CRBN: variants seen among roughly 807,000 people sequenced by gnomAD.
The protein encoded by CRBN is protein cereblon.
A neutral mutation model predicts 62.2 loss-of-function variants in CRBN; 53 were observed. That is an observed-to-expected ratio of 0.85 (90% CI 0.68 to 1.07). CRBN has a LOEUF of 1.07. Ranked by LOEUF, CRBN falls within the 50% of genes least tolerant of loss-of-function variation. The probability of loss-of-function intolerance (pLI) is 0.00; values close to 1 mark genes in which losing one functional copy is unlikely to be tolerated. For missense variants in CRBN, 616 were observed against 531.1 expected (o/e 1.16, Z -1.57); for synonymous variants, 208 against 176.1 (o/e 1.18, Z -1.43).
At chr3:3,168,591 T>C (rs1707452956) in intron 4 of CRBN, among the ~76,000 whole-genome samples, 1 of 152,186 alleles carries the variant, frequency 6.6e-6, no homozygotes, top group Non-Finnish European at 1.5e-5. Context: ...TATATAACAC[T>C]GTCAGACTGA....
intron 1 of CRBN, among the ~76,000 whole-genome samples, chr3:3,177,446 C>A (rs1707871316): frequency 6.6e-6 from 1 of 152,100 alleles, no homozygotes; most frequent in African/African-American, 2.4e-5. Context: ...TGTAAATAGC[C>A]AATGGTCTAA....
intron 5 of CRBN, among the ~76,000 whole-genome samples, chr3:3,160,308 TAA>T (rs1707083928): frequency 6.6e-6 from 1 of 152,248 alleles, no homozygotes; most frequent in Non-Finnish European, 1.5e-5. Context: ...ATATAGTGAC[TAA>T]AAGTGGTCAC....
chr3:3,176,050 T>C (rs908344225), intron 1 of CRBN, among the ~76,000 whole-genome samples: 1 of 152,186 alleles, frequency 6.6e-6, no homozygotes, highest in Non-Finnish European at 1.5e-5. Context: ...CCTTTTCACA[T>C]TGTACCCTTC....
intron 2 of CRBN, among the ~76,000 whole-genome samples, chr3:3,174,623 C>T (rs935240898): frequency 5.3e-5 from 8 of 151,672 alleles, no homozygotes; most frequent in African/African-American, 7.3e-5. Flanking sequence ...CGAGCTTGGG[C>T]GACAGAGCAA....
intron 5 of CRBN, among the ~76,000 whole-genome samples, chr3:3,164,093 C>G (rs1274038287): frequency 6.6e-6 from 1 of 152,124 alleles, no homozygotes; most frequent in Admixed American, 6.6e-5. Flanking sequence ...ACTGACGAGC[C>G]CCTCCATCTC....
chr3:3,174,141 G>C lies in CRBN; in HGVS notation c.295C>G (p.Leu99Val). 2.5e-6 allele frequency: 4 copies of C among 1,614,160 alleles called. No homozygotes were observed. Among genetic ancestry groups the C allele is most frequent in the Non-Finnish European group, 3.4e-6 (4 of 1,180,002 alleles). The change falls in exon 3 of 11, where the codon CTT (leucine) becomes GTT (valine). Residue 99 changes from leucine (L) to valine (V), a missense_variant. Transcript: ENST00000231948. Reference protein sequence around the residue: ...MILIPGQTLPLQLFHPQEVSM... With the variant: ...MILIPGQTLPVQLFHPQEVSM... ...ACTTCTTGAGGGTGAAAAAGCTGAAGAGGTAATGTCTGTCCGGGAATCAGG... is the reference window on the plus strand; with the variant it reads ...ACTTCTTGAGGGTGAAAAAGCTGAACAGGTAATGTCTGTCCGGGAATCAGG...
At chr3:3,171,100 C>T (rs753027568) in intron 4 of CRBN, among the ~76,000 whole-genome samples, 36 of 152,168 alleles carry the variant, frequency 2.4e-4, no homozygotes, top group East Asian at 3.9e-4. Flanking sequence ...CCACTGTGCG[C>T]GGCCTGATGT....
In CRBN at chr3:3,151,051, A is replaced by AAATT. The variant is rs763300144; in HGVS notation, c.1149-10_1149-7dup. 1.2e-6 allele frequency: 2 copies of AAATT among 1,613,682 alleles called. No homozygotes were observed. The highest frequency in any genetic ancestry group is 1.1e-5 in the South Asian group (1 of 91,066). On this transcript the variant is annotated splice_region_variant and splice_polypyrimidine_tract_variant and intron_variant, in intron 10 of 10. Coordinates refer to ENST00000231948, the MANE Select transcript of CRBN (RefSeq NM_016302.4). The stretch of plus-strand genomic sequence containing the variant: ...GGGCAACAGTCCAGGCATACCTAAG[A>AAATT]AATTAAGGAAAGATATCAGCTAAGG...
chr3:3,150,731 C>A lies in CRBN; in HGVS notation c.*134G>T. 1.1e-6 allele frequency: 1 copy of A among 881,912 alleles called. No individual in the cohort carries two copies. The highest frequency in any genetic ancestry group is 1.7e-5 in the South Asian group (1 of 58,676). The allele number at this position is 881,912 out of a possible 1,614,324, so 54.6% of individuals were successfully genotyped here. The stretch of plus-strand genomic sequence containing the variant: ...ATACAGTTTCACTTAGAAACTGCAA[C>A]CCTCCAAGTAATGTTATGTTTACTT... On this transcript the variant is annotated 3_prime_UTR_variant, in exon 11 of 11. Transcript: ENST00000231948.
Position 3,178,151 on chromosome 3 carries a change from C to T in CRBN, c.67+1470G>A, listed in dbSNP as rs144351448. Reference sequence around the variant, plus strand: ...CCTCCCTCTTCTATTCACCATTCTCCCTGAAACACCGGATTTGGCACAGAG... The same window carrying T: ...CCTCCCTCTTCTATTCACCATTCTCTCTGAAACACCGGATTTGGCACAGAG... On this transcript the variant is annotated intron_variant, in intron 1 of 10. Coordinates refer to ENST00000231948, the MANE Select transcript of CRBN (RefSeq NM_016302.4). Among the ~76,000 whole-genome samples the T allele has an allele frequency of 1.4e-3, 210 of 152,260 alleles. 2 individuals are homozygous for T. The highest frequency in any genetic ancestry group is 4.8e-3 in the African/African-American group (200 of 41,564).
intron 5 of CRBN, among the ~76,000 whole-genome samples, chr3:3,163,016 T>C (rs711622): frequency 0.85 from 129,643 of 152,176 alleles, 57,436 homozygotes; most frequent in East Asian, 0.98. Flanking sequence ...ACGGAGTTCC[T>C]ACCAAAGATA....
intron 3 of CRBN, among the ~76,000 whole-genome samples, chr3:3,173,222 T>TA (rs1448704728): frequency 6.6e-6 from 1 of 152,066 alleles, no homozygotes; most frequent in African/African-American, 2.4e-5. Context: ...CACGCCTGGC[T>TA]AATTTTTGTA....
intron 5 of CRBN, among the ~76,000 whole-genome samples, chr3:3,158,437 G>A (rs1405126053): frequency 6.6e-6 from 1 of 152,168 alleles, no homozygotes; most frequent in Non-Finnish European, 1.5e-5. Context: ...CTCTGGTAGT[G>A]GTTAAAGCCT....
At chr3:3,154,141 C>T (rs1457623184) in intron 7 of CRBN, 66 bp from the exon 8 acceptor site, 17 of 902,532 alleles carry the variant, frequency 1.9e-5, no homozygotes, top group South Asian at 1.6e-4. Context: ...ACTTACAAAT[C>T]GGATAATATC....
chr3:3,158,976 C>A (rs931547768), intron 5 of CRBN, among the ~76,000 whole-genome samples: 1 of 152,170 alleles, frequency 6.6e-6, no homozygotes, highest in Non-Finnish European at 1.5e-5. Context: ...TGAGTTCTCA[C>A]GAGATCTGAT....
In CRBN at chr3:3,150,086, G is replaced by GTT. The variant is rs1706399321; in HGVS notation, c.*777_*778dup. 1 of 152,100 alleles carries GTT rather than the reference G, an allele frequency of 6.6e-6. No individual in the cohort carries two copies. Among genetic ancestry groups the GTT allele is most frequent in the African/African-American group, 2.4e-5 (1 of 41,434 alleles). 9.4% of individuals were successfully genotyped at this position (152,100 alleles called of 1,614,324 possible). On this transcript the variant is annotated 3_prime_UTR_variant, in exon 11 of 11. Transcript: ENST00000231948. ...ATTGAACAAAATAATACAGTATCAA[G>GTT]TTTAGTCTGGGTGAGGGGACATGTT...
chr3:3,175,887 C>A (rs1707808990), intron 1 of CRBN, among the ~76,000 whole-genome samples: 1 of 152,122 alleles, frequency 6.6e-6, no homozygotes, highest in Non-Finnish European at 1.5e-5. Context: ...TGTTGTTATT[C>A]TTTTCCTTTT....
chr3:3,152,244 C>T (rs1706613640), intron 10 of CRBN, among the ~76,000 whole-genome samples: 1 of 151,668 alleles, frequency 6.6e-6, no homozygotes, highest in Admixed American at 6.6e-5. Context: ...CTCTTGCCTT[C>T]CAGGTTCAAG....
chr3:3,165,826 A>G (rs1420523933), intron 5 of CRBN, among the ~76,000 whole-genome samples: 1 of 152,188 alleles, frequency 6.6e-6, no homozygotes, highest in East Asian at 1.9e-4. Flanking sequence ...GAATATTCAG[A>G]TGACACATAG....
Sources: allele counts gnomAD v4.1 joint callset (sites outside exome capture counted in the v4.1 genomes callset), GRCh38; gene constraint gnomAD v4.1.1; transcripts MANE v1.5; gene names NCBI Gene and HGNC (gene_info 2026-07-23, HGNC 2026-07-21).